CASP5: variants seen among roughly 807,000 people sequenced by gnomAD.
CASP5 encodes the protein caspase-5.
CASP5 carries 42 observed loss-of-function variants against 45.2 expected under a neutral mutation model. The ratio of observed to expected loss-of-function variants is 0.93; its 90% CI spans 0.73 to 1.20. The LOEUF (loss-of-function observed/expected upper bound fraction) is 1.20. CASP5 is among the 50% of genes most tolerant of loss of function. CASP5 has a pLI of 0.00. For synonymous variants in CASP5, 209 were observed against 186.2 expected, an observed-to-expected ratio of 1.12 and a Z score of -1.00; for missense variants, 512 against 532.2, an observed-to-expected ratio of 0.96 and a Z score of 0.37.
At chr11:105,021,055 C>T (rs980575239) in intron 1 of CASP5, among the ~76,000 whole-genome samples, 55 of 151,996 alleles carry the variant, frequency 3.6e-4, no homozygotes, top group Middle Eastern at 3.4e-3. Context: ...ACAAGCAATG[C>T]GGAAAGGATT....
intron 2 of CASP5, among the ~76,000 whole-genome samples, chr11:105,007,626 T>C (rs45526236): frequency 0.011 from 1,696 of 152,214 alleles, 12 homozygotes; most frequent in East Asian, 0.042. Flanking sequence ...GCTGCTTTCA[T>C]ATTTCTCTTT....
intron 3 of CASP5, among the ~76,000 whole-genome samples, chr11:105,005,385 T>C (rs1460177455): frequency 6.6e-6 from 1 of 151,020 alleles, no homozygotes; most frequent in Non-Finnish European, 1.5e-5. Context: ...TGTGTGTGTG[T>C]GTGTGTGTGT....
chr11:105,011,124 A>G (rs1862326119), intron 1 of CASP5, among the ~76,000 whole-genome samples: 1 of 151,776 alleles, frequency 6.6e-6, no homozygotes, highest in Non-Finnish European at 1.5e-5. Context: ...TTTAAATGCA[A>G]TGTAGATGTT....
chr11:105,004,498 A>G (rs1861907304), intron 3 of CASP5, among the ~76,000 whole-genome samples: 1 of 152,198 alleles, frequency 6.6e-6, no homozygotes, highest in African/African-American at 2.4e-5. Flanking sequence ...GTAAGATCTA[A>G]TAACAAGATT....
rs1394712291 is a variant in CASP5 at position 105,008,842 on chromosome 11, A to G, written c.146T>C (p.Val49Ala). ...GGTCGACTTTTGATCCGTATTAGGT[A>G]CTAGGGTCTGGATAGATGTTTGTCC... is the stretch of plus-strand genomic sequence containing the variant. The part of the protein sequence containing the change: ...VAGQTSIQTL[V>A]PNTDQKSTSV... Residue 49 changes from valine (V) to alanine (A), a missense_variant, in exon 2 of 10, where the codon GTA becomes GCA. Transcript: ENST00000260315. 1 of 1,613,078 alleles carries G rather than the reference A, an allele frequency of 6.2e-7. No individual in the cohort carries two copies. The highest frequency in any genetic ancestry group is 1.1e-5 in the South Asian group (1 of 91,058).
chr11:105,007,051 T>A, intron 3 of CASP5, 32 bp downstream of exon 3: 1 of 1,577,920 alleles, frequency 6.3e-7, no homozygotes. Flanking sequence ...CTGGAAAATT[T>A]AACATATTTA....
chr11:104,995,656 C>T (rs1679270993), intron 9 of CASP5, 84 bp downstream of exon 9: 2 of 795,522 alleles, frequency 2.5e-6, no homozygotes, highest in Admixed American at 2.1e-5. Flanking sequence ...ACCATATAAG[C>T]AGTCAGCTGT....
At chr11:105,016,729 A>G (rs886268882) in intron 1 of CASP5, among the ~76,000 whole-genome samples, 1 of 151,992 alleles carries the variant, frequency 6.6e-6, no homozygotes, top group African/African-American at 2.4e-5. Context: ...AGGCTGGGGG[A>G]GGGGCGCCCA....
intron 1 of CASP5, among the ~76,000 whole-genome samples, chr11:105,009,807 A>C (rs1862218014): frequency 9.4e-6 from 1 of 106,196 alleles, no homozygotes; most frequent in Non-Finnish European, 1.8e-5. Context: ...ATATATATAT[A>C]CACACACATA....
At chr11:105,006,966 G>A (rs1239214364) in intron 3 of CASP5, 117 bp downstream of exon 3, 34 of 921,136 alleles carry the variant, frequency 3.7e-5, no homozygotes, top group African/African-American at 6.7e-5. Context: ...CATGTTTACT[G>A]AAAATGAGAG....
chr11:105,004,457 A>T (rs1351293144), intron 3 of CASP5, among the ~76,000 whole-genome samples: 1 of 152,188 alleles, frequency 6.6e-6, no homozygotes, highest in Non-Finnish European at 1.5e-5. Flanking sequence ...AGAAAAAGGA[A>T]TTTATGTATA....
At chr11:105,007,942 C>A (rs1023459005) in intron 2 of CASP5, among the ~76,000 whole-genome samples, 2 of 152,080 alleles carry the variant, frequency 1.3e-5, no homozygotes, top group Non-Finnish European at 2.9e-5. Flanking sequence ...TTTTTAGCAT[C>A]TTTTCCTCAA....
At chr11:105,018,385 C>T (rs1318367035) in intron 1 of CASP5, among the ~76,000 whole-genome samples, 2 of 152,228 alleles carry the variant, frequency 1.3e-5, no homozygotes, top group South Asian at 2.1e-4. Context: ...TCAAGACCCA[C>T]CAGTGTGCTG....
Position 105,000,465 on chromosome 11 carries a change from C to T in CASP5, c.748G>A (p.Ala250Thr). 2.5e-6 allele frequency: 4 copies of T among 1,614,162 alleles called. No individual in the cohort carries two copies. Among genetic ancestry groups the T allele is most frequent in the Non-Finnish European group, 3.4e-6 (4 of 1,180,010 alleles). ...TCAGAGGACTTGTGCTCTGGTCTGG[C>T]AGCAAATGCCCTCAGCACTGACTCC... is the stretch of plus-strand genomic sequence containing the variant. ...DMESVLRAFAARPEHKSSDST... is the reference protein window; with the variant it reads ...DMESVLRAFATRPEHKSSDST... Residue 250 changes from alanine (A) to threonine (T), a missense_variant, in exon 6 of 10, where the codon GCC becomes ACC. Physicochemically the swap from Ala to Thr is moderately conservative, Grantham distance 58 (BLOSUM62 0). Transcript: ENST00000260315.
chr11:105,016,202 T>A (rs950707935), intron 1 of CASP5, among the ~76,000 whole-genome samples: 3 of 152,158 alleles, frequency 2.0e-5, no homozygotes, highest in African/African-American at 7.2e-5. Flanking sequence ...TGTCTGCAGA[T>A]CTTTAAAGGT....
chr11:105,011,063 CAGG>C (rs1262482442), intron 1 of CASP5, among the ~76,000 whole-genome samples: 4 of 151,528 alleles, frequency 2.6e-5, no homozygotes, highest in South Asian at 2.1e-4. Context: ...GAGAAAATTC[CAGG>C]AGGAGAGTTT....
At chr11:105,000,793 CTCCTT>C (rs2134698772) in intron 5 of CASP5, among the ~76,000 whole-genome samples, 1 of 151,806 alleles carries the variant, frequency 6.6e-6, no homozygotes, top group African/African-American at 2.4e-5. Context: ...AATCTTTTCT[CTCCTT>C]TCCTAACAAG....
At chr11:105,014,587 C>T (rs1029985853) in intron 1 of CASP5, among the ~76,000 whole-genome samples, 3 of 152,090 alleles carry the variant, frequency 2.0e-5, no homozygotes, top group Non-Finnish European at 4.4e-5. Context: ...TGGCCCAACT[C>T]TTGAAGAATA....
Position 104,997,464 on chromosome 11 carries a change from C to A in CASP5, c.1125G>T (p.Arg375Ser). The A allele has an allele frequency of 1.2e-6, 2 of 1,612,694 alleles. No homozygotes were observed. The highest frequency in any genetic ancestry group is 8.5e-7 in the Non-Finnish European group (1 of 1,178,910). ...TGAGTTCCGTAATGAAGATGGAGCC[C>A]CTTGTGCGGTCTCTCCAGGACACGT... is the stretch of plus-strand genomic sequence containing the variant. ...PHNVSWRDRT[R>S]GSIFITELIT... is the part of the protein sequence containing the mutation. Residue 375 changes from arginine to serine, a missense_variant, in exon 8 of 10, where the codon AGG (arginine) becomes AGT (serine). Physicochemically the swap from Arg to Ser is moderately radical, Grantham distance 110. Coordinates refer to ENST00000260315, the MANE Select transcript of CASP5 (RefSeq NM_004347.5).
Sources: allele counts gnomAD v4.1 joint callset (sites outside exome capture counted in the v4.1 genomes callset), GRCh38; gene constraint gnomAD v4.1.1; transcripts MANE v1.5; gene names NCBI Gene and HGNC (gene_info 2026-07-23, HGNC 2026-07-21).